LRRC4C: variants seen among roughly 807,000 people sequenced by gnomAD.
The protein encoded by LRRC4C is leucine-rich repeat-containing protein 4C.
In LRRC4C, 5 loss-of-function variants were observed where a neutral mutation model predicts 33.6. The observed-to-expected ratio is 0.15, with a 90% CI of 0.08 to 0.31. The LOEUF (loss-of-function observed/expected upper bound fraction) is 0.31, where lower values mean the gene tolerates loss of function less well. Among genes scored for constraint, LRRC4C ranks in the 10% least tolerant of loss-of-function variants. The pLI, the probability that LRRC4C is intolerant of heterozygous loss-of-function variation, is 1.00. For missense variants in LRRC4C, 560 were observed against 796.7 expected (o/e 0.70, Z 3.58); for synonymous variants, 329 against 302.0 (o/e 1.09, Z -0.93).
At chr11:40,678,226 A>T (rs1033841528) in intron 2 of LRRC4C, among the ~76,000 whole-genome samples, 31 of 152,044 alleles carry the variant, frequency 2.0e-4, no homozygotes, top group African/African-American at 7.2e-4. Context: ...TTGGAGTACA[A>T]ATGAATTCAT....
chr11:41,092,464 CA>C (rs1423129932), intron 1 of LRRC4C, among the ~76,000 whole-genome samples: 1 of 152,138 alleles, frequency 6.6e-6, no homozygotes, highest in Non-Finnish European at 1.5e-5. Context: ...ACTATTTGTA[CA>C]GTGAATGATC....
chr11:41,434,786 G>A (rs1459237469), intron 1 of LRRC4C, among the ~76,000 whole-genome samples: 2 of 152,160 alleles, frequency 1.3e-5, no homozygotes, highest in African/African-American at 4.8e-5. Flanking sequence ...ATGTGGGGCA[G>A]CTTGAAGTCT....
chr11:41,305,868 C>A (rs1394867821), intron 1 of LRRC4C, among the ~76,000 whole-genome samples: 3 of 133,524 alleles, frequency 2.2e-5, no homozygotes, highest in Non-Finnish European at 3.2e-5. Context: ...CTGCCAAATC[C>A]CCCTCTGTGA....
intron 5 of LRRC4C, among the ~76,000 whole-genome samples, chr11:40,222,487 C>T (rs945989226): frequency 6.6e-6 from 1 of 152,036 alleles, no homozygotes; most frequent in African/African-American, 2.4e-5. Flanking sequence ...AATCATGTTC[C>T]CAAGGCATTA....
At chr11:40,369,520 T>C (rs150631835) in intron 3 of LRRC4C, among the ~76,000 whole-genome samples, 4,730 of 152,232 alleles carry the variant, frequency 0.031, 232 homozygotes, top group African/African-American at 0.1. Context: ...GTATTTTTAG[T>C]GGAGATGGGG....
intron 4 of LRRC4C, among the ~76,000 whole-genome samples, chr11:40,297,857 G>C (rs1438959276): frequency 6.6e-6 from 1 of 152,158 alleles, no homozygotes; most frequent in African/African-American, 2.4e-5. Flanking sequence ...GGAAGTGATA[G>C]AGGCAAGATT....
At chr11:40,341,705 G>C (rs1211527404) in intron 3 of LRRC4C, among the ~76,000 whole-genome samples, 1 of 152,042 alleles carries the variant, frequency 6.6e-6, no homozygotes, top group Non-Finnish European at 1.5e-5. Flanking sequence ...CTTTCAAATT[G>C]ATATTAATTT....
chr11:40,337,510 C>G (rs185867229), intron 3 of LRRC4C, among the ~76,000 whole-genome samples: 12 of 152,240 alleles, frequency 7.9e-5, no homozygotes, highest in African/African-American at 2.9e-4. Flanking sequence ...GTCCATTTAT[C>G]ACAAAACCAT....
chr11:40,519,839 A>T (rs1955734391), intron 3 of LRRC4C, among the ~76,000 whole-genome samples: 1 of 152,252 alleles, frequency 6.6e-6, no homozygotes, highest in Admixed American at 6.5e-5. Flanking sequence ...CGAAGCAGCA[A>T]GGCCTGATGG....
intron 4 of LRRC4C, among the ~76,000 whole-genome samples, chr11:40,306,847 T>A (rs912281978): frequency 3.3e-5 from 5 of 152,102 alleles, no homozygotes; most frequent in Admixed American, 1.3e-4. Context: ...TATTTAATGA[T>A]CTTGGGTAAG....
At chr11:41,013,535 A>G (rs16935277) in intron 1 of LRRC4C, among the ~76,000 whole-genome samples, 20,526 of 151,952 alleles carry the variant, frequency 0.14, 1,491 homozygotes, top group Non-Finnish European at 0.16. Context: ...CAAAGAAAAA[A>G]CCCTGAATTT....
chr11:40,614,158 A>G (rs1218486735), intron 3 of LRRC4C, among the ~76,000 whole-genome samples: 1 of 151,864 alleles, frequency 6.6e-6, no homozygotes, highest in Non-Finnish European at 1.5e-5. Context: ...ACTTCTCTCT[A>G]GCTATTAAAG....
rs59934043 is a variant in LRRC4C at position 41,075,026 on chromosome 11, T to TATTTTTTTTTTTTA, written c.-495-141304_-495-141303insTAAAAAAAAAAAAT. Among the ~76,000 whole-genome samples, 3 of 93,844 alleles carry TATTTTTTTTTTTTA rather than the reference T, an allele frequency of 3.2e-5. 1 individual carries two copies. The highest frequency in any genetic ancestry group is 4.9e-5 in the African/African-American group (1 of 20,210). 61.6% of individuals were successfully genotyped at this position (93,844 alleles called of 152,430 possible). A position where few individuals can be genotyped will look rare whatever the true frequency, so the allele number is the denominator to read the frequency against. On this transcript the variant is annotated intron_variant, in intron 1 of 6. Transcript: ENST00000528697. The stretch of plus-strand genomic sequence containing the variant: ...AACCTTCAATTTTCTTTTTTTTTTT[T>TATTTTTTTTTTTTA]TTTTTTTTTTATTTTTAATGTTTTT...
intron 5 of LRRC4C, among the ~76,000 whole-genome samples, chr11:40,172,581 G>T: frequency 6.6e-6 from 1 of 151,362 alleles, no homozygotes; most frequent in Non-Finnish European, 1.5e-5. Flanking sequence ...GTTTGTTTCT[G>T]TTTCATGGCA....
At chr11:41,084,552 A>C (rs879281840) in intron 1 of LRRC4C, among the ~76,000 whole-genome samples, 5 of 152,148 alleles carry the variant, frequency 3.3e-5, no homozygotes, top group Admixed American at 3.3e-4. Context: ...TCAGTTTAAA[A>C]ATTTTTTAAA....
intron 1 of LRRC4C, among the ~76,000 whole-genome samples, chr11:41,278,613 T>C (rs1949556535): frequency 6.6e-6 from 1 of 152,200 alleles, no homozygotes; most frequent in East Asian, 1.9e-4. Flanking sequence ...GCCCCCTGTG[T>C]TTCTGATTCA....
chr11:41,436,606 T>C (rs530065531), intron 1 of LRRC4C, among the ~76,000 whole-genome samples: 37 of 152,204 alleles, frequency 2.4e-4, no homozygotes, highest in Non-Finnish European at 4.1e-4. Context: ...CTCCACTGTC[T>C]GATAATGTAC....
At chr11:41,381,963 A>G (rs1489062984) in intron 1 of LRRC4C, among the ~76,000 whole-genome samples, 4 of 151,438 alleles carry the variant, frequency 2.6e-5, no homozygotes, top group East Asian at 3.9e-4. Flanking sequence ...ATATGCATAT[A>G]TTCATATTTA....
intron 4 of LRRC4C, chr11:40,241,966 C>A (rs1461473561): frequency 1.3e-5 from 2 of 152,022 alleles, no homozygotes. Context: ...CTGTCTGGGC[C>A]CTGCTTCAGG....
Sources: gnomAD v4.1 joint callset for allele counts (sites outside exome capture counted in the v4.1 genomes callset) on GRCh38, gnomAD v4.1.1 for gene constraint, MANE v1.5 for transcripts, NCBI Gene and HGNC (gene_info 2026-07-23, HGNC 2026-07-21) for gene names.